NDST4: variants seen among roughly 807,000 people sequenced by gnomAD.
The protein encoded by NDST4 is N-heparan sulfate sulfotransferase 4.
Under a neutral mutation model 100.8 loss-of-function variants are expected in NDST4, and 63 were observed. The ratio of observed to expected loss-of-function variants is 0.62; its 90% CI spans 0.51 to 0.77. NDST4 has a LOEUF of 0.77. Among genes scored for constraint, NDST4 ranks in the 30% least tolerant of loss-of-function variants. The probability of loss-of-function intolerance (pLI) is 0.00; values close to 1 mark genes in which losing one functional copy is unlikely to be tolerated. For synonymous variants in NDST4, 377 were observed against 361.8 expected (o/e 1.04, Z -0.48); for missense variants, 943 against 1,018.4 (o/e 0.93, Z 1.01).
chr4:114,940,712 T>C (rs1725730944), intron 4 of NDST4, among the ~76,000 whole-genome samples: 1 of 152,182 alleles, frequency 6.6e-6, no homozygotes, highest in Non-Finnish European at 1.5e-5. Flanking sequence ...TGTCCAGTGC[T>C]GAGGAAGAGT....
chr4:114,840,443 A>T (rs1242280821), intron 10 of NDST4, among the ~76,000 whole-genome samples: 3 of 152,178 alleles, frequency 2.0e-5, no homozygotes, highest in Non-Finnish European at 1.5e-5. Context: ...GAGACAATAG[A>T]TTGGAATAAA....
intron 7 of NDST4, among the ~76,000 whole-genome samples, chr4:114,854,766 C>T (rs1052995945): frequency 2.6e-5 from 4 of 152,156 alleles, no homozygotes; most frequent in Non-Finnish European, 5.9e-5. Context: ...GACCAATTTC[C>T]TTTCTTTTTT....
intron 6 of NDST4, among the ~76,000 whole-genome samples, chr4:114,920,653 A>G (rs1331633759): frequency 6.6e-6 from 1 of 152,200 alleles, no homozygotes; most frequent in Non-Finnish European, 1.5e-5. Flanking sequence ...GCTAGCAGTC[A>G]TCATGAACTT....
At chr4:115,080,125 TTTTA>T (rs1273833522) in intron 1 of NDST4, among the ~76,000 whole-genome samples, 1 of 151,986 alleles carries the variant, frequency 6.6e-6, no homozygotes, top group African/African-American at 2.4e-5. Flanking sequence ...TATTTACAAA[TTTTA>T]TTTGTTTCAT....
At chr4:115,099,274 T>C (rs113794922) in intron 1 of NDST4, among the ~76,000 whole-genome samples, 3,497 of 152,186 alleles carry the variant, frequency 0.023, 82 homozygotes, top group African/African-American at 0.051. Flanking sequence ...TTTTTTTACT[T>C]AACACAAAAG....
intron 1 of NDST4, among the ~76,000 whole-genome samples, chr4:115,097,144 T>C (rs1185370382): frequency 6.6e-6 from 1 of 152,142 alleles, no homozygotes; most frequent in Non-Finnish European, 1.5e-5. Flanking sequence ...CTCTTTTCTA[T>C]TTATATTCAC....
chr4:115,069,698 C>T (rs1729030955), intron 2 of NDST4, among the ~76,000 whole-genome samples: 1 of 152,038 alleles, frequency 6.6e-6, no homozygotes, highest in South Asian at 2.1e-4. Flanking sequence ...GAGTTCAAGA[C>T]CAGCCCAGCC....
At chr4:114,926,699 G>T (rs1725394047) in intron 6 of NDST4, among the ~76,000 whole-genome samples, 1 of 152,072 alleles carries the variant, frequency 6.6e-6, no homozygotes, top group Non-Finnish European at 1.5e-5. Context: ...AACAATACTG[G>T]CTTTGTTGTG....
intron 2 of NDST4, among the ~76,000 whole-genome samples, chr4:115,010,640 A>G (rs1192901498): frequency 7.2e-6 from 1 of 138,842 alleles, no homozygotes; most frequent in Non-Finnish European, 1.6e-5. Flanking sequence ...TACATATGTA[A>G]CTAACCTGCA....
chr4:114,849,569 A>G (rs1013342271), intron 8 of NDST4, among the ~76,000 whole-genome samples: 13 of 152,210 alleles, frequency 8.5e-5, no homozygotes, highest in Middle Eastern at 6.3e-3. Flanking sequence ...TTACATGGCC[A>G]CCAAGAGGTA....
intron 1 of NDST4, among the ~76,000 whole-genome samples, chr4:115,080,476 T>A (rs1729278202): frequency 6.6e-6 from 1 of 152,146 alleles, no homozygotes; most frequent in Non-Finnish European, 1.5e-5. Flanking sequence ...TTTGCAAAAG[T>A]CTTTGTTTCA....
intron 2 of NDST4, among the ~76,000 whole-genome samples, chr4:114,985,244 C>T (rs1406741308): frequency 6.6e-6 from 1 of 152,056 alleles, no homozygotes; most frequent in Non-Finnish European, 1.5e-5. Flanking sequence ...TTTTCCTTTC[C>T]TCTTTTCACC....
At chr4:114,939,159 G>A (rs566844988) in intron 4 of NDST4, among the ~76,000 whole-genome samples, 74 of 152,274 alleles carry the variant, frequency 4.9e-4, no homozygotes, top group African/African-American at 1.8e-3. Flanking sequence ...GTCACAAAGT[G>A]TTTTGAGGAT....
At chr4:114,923,302 C>A (rs904304371) in intron 6 of NDST4, among the ~76,000 whole-genome samples, 2 of 151,676 alleles carry the variant, frequency 1.3e-5, no homozygotes, top group African/African-American at 4.8e-5. Flanking sequence ...TGAGGAATAA[C>A]CAGAGGGACA....
chr4:115,108,054 G>C (rs512355), intron 1 of NDST4, among the ~76,000 whole-genome samples: 1 of 151,894 alleles, frequency 6.6e-6, no homozygotes. Flanking sequence ...TTACAGTACA[G>C]GGAATCTCAA....
At chr4:114,879,482 C>T (rs1030961869) in intron 6 of NDST4, among the ~76,000 whole-genome samples, 1 of 152,160 alleles carries the variant, frequency 6.6e-6, no homozygotes, top group Non-Finnish European at 1.5e-5. Context: ...GCACCCCCAT[C>T]CCTCTTCCCC....
intron 6 of NDST4, among the ~76,000 whole-genome samples, chr4:114,922,395 T>G (rs527970250): frequency 6.6e-6 from 1 of 152,242 alleles, no homozygotes; most frequent in Admixed American, 6.5e-5. Context: ...GGCCGGCCAC[T>G]GTGCATGTGG....
At chr4:114,908,868 T>C (rs1350641064) in intron 6 of NDST4, among the ~76,000 whole-genome samples, 3 of 152,172 alleles carry the variant, frequency 2.0e-5, no homozygotes, top group Non-Finnish European at 4.4e-5. Flanking sequence ...TTCATAATTA[T>C]AGTAAGGAAA....
Position 114,906,862 on chromosome 4 carries a change from T to C in NDST4, c.1536+28344A>G, listed in dbSNP as rs556083950. 3.5e-4 allele frequency among the ~76,000 whole-genome samples: 54 copies of C among 152,204 alleles called. 4 individuals carry two copies. In the South Asian group the frequency reaches 0.011, roughly 30 times the overall value. On this transcript the variant is annotated intron_variant, in intron 6 of 13. Transcript: ENST00000264363. ...CCATGGTGTATTTATTTTTCACAAT[T>C]AAGCCTGTTTGTCAAGATTGGACTC...
Sources: gnomAD v4.1 joint callset for allele counts (sites outside exome capture counted in the v4.1 genomes callset) on GRCh38, gnomAD v4.1.1 for gene constraint, MANE v1.5 for transcripts, NCBI Gene and HGNC (gene_info 2026-07-23, HGNC 2026-07-21) for gene names.